MPHOSPH8: variants seen among roughly 807,000 people sequenced by gnomAD.
MPHOSPH8 encodes the protein M-phase phosphoprotein, mpp.
A neutral mutation model predicts 87.3 loss-of-function variants in MPHOSPH8; 45 were observed. That is an observed-to-expected ratio of 0.52 (90% CI 0.41 to 0.66). The LOEUF is 0.66. MPHOSPH8 is among the 30% of genes least tolerant of loss of function. The probability of loss-of-function intolerance (pLI) is 0.00; values close to 1 mark genes in which losing one functional copy is unlikely to be tolerated. For missense variants in MPHOSPH8, 883 were observed against 1,020.2 expected (o/e 0.87, Z 1.83); for synonymous variants, 366 against 376.9 (o/e 0.97, Z 0.33).
chr13:19,656,009 A>T (rs945130769), intron 5 of MPHOSPH8, among the ~76,000 whole-genome samples: 1 of 152,282 alleles, frequency 6.6e-6, no homozygotes, highest in South Asian at 2.1e-4. Context: ...CTGAAGCAGG[A>T]TAATCGCTTA....
chr13:19,636,074 A>T (rs1935254776), intron 1 of MPHOSPH8, among the ~76,000 whole-genome samples: 1 of 152,198 alleles, frequency 6.6e-6, no homozygotes, highest in South Asian at 2.1e-4. Flanking sequence ...AACTGAGTCA[A>T]TTAAGCCTCT....
In MPHOSPH8 at chr13:19,633,871, C is replaced by G. The variant is rs371343470; in HGVS notation, c.123C>G (p.Ala41=). The part of the protein sequence containing the change: ...VGVVGEDNDA[A]ARGAEAFGDS... ...TAGTGGGCGAAGATAATGACGCAGC[C>G]GCGAGAGGAGCGGAGGCCTTTGGCG... is the stretch of plus-strand genomic sequence containing the variant. Residue 41 remains alanine (A), a synonymous_variant, in exon 1 of 14, where the codon GCC becomes GCG. Transcript: ENST00000361479. 1.2e-5 allele frequency: 20 copies of G among 1,611,366 alleles called. No individual in the cohort carries two copies. The highest frequency in any genetic ancestry group is 2.7e-5 in the African/African-American group (2 of 74,900).
intron 1 of MPHOSPH8, among the ~76,000 whole-genome samples, chr13:19,637,944 A>G (rs1874090593): frequency 6.6e-6 from 1 of 151,522 alleles, no homozygotes; most frequent in Non-Finnish European, 1.5e-5. Context: ...TACTAAAAAT[A>G]CAAAAAATTA....
At chr13:19,642,375 G>T (rs142774148) in intron 2 of MPHOSPH8, 105 bp downstream of exon 2, 50 of 957,534 alleles carry the variant, frequency 5.2e-5, no homozygotes, top group Non-Finnish European at 7.0e-5. Context: ...AAAGTGTACC[G>T]TATTCTTTAG....
intron 4 of MPHOSPH8, among the ~76,000 whole-genome samples, chr13:19,649,586 G>T (rs1874737155): frequency 6.6e-6 from 1 of 152,150 alleles, no homozygotes; most frequent in East Asian, 1.9e-4. Context: ...CAGTGCTCTG[G>T]CACCCTGCTG....
At position 19,646,589 on chromosome 13, in the gene MPHOSPH8, A is replaced by T. The variant is rs1484427240; in HGVS notation, c.516A>T (p.Lys172Asn). 6.3e-7 allele frequency: 1 copy of T among 1,583,474 alleles called. No homozygotes were observed. The highest frequency in any genetic ancestry group is 1.4e-5 in the African/African-American group (1 of 72,606). The change falls in exon 3 of 14, where the codon AAA becomes AAT. Residue 172 changes from lysine to asparagine, a missense_variant. Coordinates refer to ENST00000361479, the MANE Select transcript of MPHOSPH8 (RefSeq NM_017520.4). Reference sequence around the variant, plus strand: ...GCCCAGATGATCTGAAAAAGAAAAAAGCAAAGGCCGGGAAGCTAAAAGACA... The same window carrying T: ...GCCCAGATGATCTGAAAAAGAAAAATGCAAAGGCCGGGAAGCTAAAAGACA... ...EKSPDDLKKK[K>N]AKAGKLKDKS...
At chr13:19,662,893 C>G in intron 8 of MPHOSPH8, 147 bp from the exon 9 acceptor site, 1 of 683,588 alleles carries the variant, frequency 1.5e-6, no homozygotes, top group South Asian at 1.8e-5. Context: ...GGTGCACCCC[C>G]GTGGCCCCAC....
At chr13:19,651,551 C>G (rs114120456) in intron 5 of MPHOSPH8, among the ~76,000 whole-genome samples, 2 of 151,468 alleles carry the variant, frequency 1.3e-5, no homozygotes. Context: ...AGAAAACTGG[C>G]TAGGCATGGT....
At chr13:19,659,362 C>T in intron 7 of MPHOSPH8, 73 bp downstream of exon 7, 1 of 1,257,394 alleles carries the variant, frequency 8.0e-7, no homozygotes, top group Non-Finnish European at 1.1e-6. Flanking sequence ...TTTAACTTTT[C>T]ATTTATTTTA....
intron 1 of MPHOSPH8, among the ~76,000 whole-genome samples, chr13:19,641,550 G>T (rs569937929): frequency 5.9e-5 from 8 of 136,726 alleles, no homozygotes; most frequent in Non-Finnish European, 1.2e-4. Context: ...GAGTGCAATG[G>T]CGTGTGATCT....
At chr13:19,658,635 C>G (rs1437600919) in intron 5 of MPHOSPH8, among the ~76,000 whole-genome samples, 2 of 152,140 alleles carry the variant, frequency 1.3e-5, no homozygotes, top group African/African-American at 4.8e-5. Context: ...AGTGTATGTC[C>G]AAGAAGAATG....
intron 1 of MPHOSPH8, among the ~76,000 whole-genome samples, chr13:19,641,039 CTTTT>C (rs1298897557): frequency 6.6e-6 from 1 of 152,172 alleles, no homozygotes; most frequent in African/African-American, 2.4e-5. Context: ...TTCTTCCTAT[CTTTT>C]CTATTTTTCA....
Position 19,633,690 on chromosome 13 carries a change from G to C in MPHOSPH8, c.-59G>C, listed in dbSNP as rs562732401. On this transcript the variant is annotated 5_prime_UTR_variant, in exon 1 of 14. Transcript: ENST00000361479. ...GAGTAGGGCCGAGCGCGGAACGCGA[G>C]GGGCTGCTGGGGTGTTTGTCGCAGC... The C allele has an allele frequency of 3.9e-6, 6 of 1,533,156 alleles. No individual in the cohort carries two copies. In the Admixed American group the frequency reaches 9.8e-5, roughly 25 times the overall value. 95.0% of individuals were successfully genotyped at this position (1,533,156 alleles called of 1,614,324 possible).
chr13:19,643,650 TGG>T (rs1001810786), intron 2 of MPHOSPH8, among the ~76,000 whole-genome samples: 34 of 152,254 alleles, frequency 2.2e-4, no homozygotes, highest in African/African-American at 8.2e-4. Context: ...AAAACAAATA[TGG>T]GTATTTTTTT....
intron 2 of MPHOSPH8, among the ~76,000 whole-genome samples, chr13:19,645,085 G>A (rs1874496741): frequency 1.3e-5 from 2 of 152,142 alleles, no homozygotes. Flanking sequence ...CCTGAGGAGA[G>A]CTTCACTGGT....
chr13:19,666,570 AT>A lies in MPHOSPH8; in HGVS notation c.2168del (p.Leu723Ter). On this transcript the variant is annotated frameshift_variant, in exon 10 of 14. Transcript: ENST00000361479. LOFTEE classifies it high-confidence loss of function. ...CTTGTGTACGACTTGCTGAAGAACC[AT>A]TTAGAGACGTAAGTGAGAAGCGACT... The part of the protein sequence containing the change: ...NVLVYDLLKN[H>X]LETLSRVAEE... 1.3e-6 allele frequency: 2 copies of A among 1,579,520 alleles called. No individual in the cohort carries two copies. Among genetic ancestry groups the A allele is most frequent in the Non-Finnish European group, 1.7e-6 (2 of 1,152,686 alleles).
Position 19,672,943 on chromosome 13 carries a change from A to G in MPHOSPH8, c.*1068A>G, listed in dbSNP as rs533349309. 684 of 381,086 alleles carry G rather than the reference A, an allele frequency of 1.8e-3. 4 individuals are homozygous for G. Among genetic ancestry groups the G allele is most frequent in the South Asian group, 4.8e-3 (236 of 48,682 alleles). The allele number at this position is 381,086 out of a possible 1,614,324, so 23.6% of individuals were successfully genotyped here. A position where few individuals can be genotyped will look rare whatever the true frequency, so the allele number is the denominator to read the frequency against. Reference sequence around the variant, plus strand: ...GGGTGGAACAAGCCTGTAGTCCCAGATACTCAGGAGGCTGAGGTGAAAGGA... The same window carrying G: ...GGGTGGAACAAGCCTGTAGTCCCAGGTACTCAGGAGGCTGAGGTGAAAGGA... On this transcript the variant is annotated 3_prime_UTR_variant, in exon 14 of 14. Coordinates refer to ENST00000361479, the MANE Select transcript of MPHOSPH8 (RefSeq NM_017520.4).
rs141400605 is a variant in MPHOSPH8 at position 19,645,485 on chromosome 13, T to C, written c.370-958T>C. Among the ~76,000 whole-genome samples, 1,052 of 152,258 alleles carry C rather than the reference T, an allele frequency of 6.9e-3. 8 individuals are homozygous for C. Among genetic ancestry groups the C allele is most frequent in the South Asian group, 0.014 (68 of 4,822 alleles). ...GTGCAGGGAAGACATTTTTAAAGTA[T>C]ATCTGGCCAGGCGCCGTGGCTCACC... On this transcript the variant is annotated intron_variant, in intron 2 of 13. Transcript: ENST00000361479.
At position 19,633,761 on chromosome 13, in the gene MPHOSPH8, G is replaced by A. The variant is rs1443066709; in HGVS notation, c.13G>A (p.Ala5Thr). Residue 5 changes from alanine to threonine, a missense_variant, in exon 1 of 14, where the codon GCG becomes ACG. Ala to Thr is a moderately conservative substitution (Grantham distance 58). Around this residue, in one of 3 missense-constraint regions of MPHOSPH8, gnomAD observed 103 missense variants for 96.3 expected, o/e 1.07. Coordinates refer to ENST00000361479, the MANE Select transcript of MPHOSPH8 (RefSeq NM_017520.4). ...CGGAGCTGCTAGGATGGAGCAGGTT[G>A]CGGAGGGAGCAAGGGTGACCGCAGT... Reference protein sequence around the residue: MEQVAEGARVTAVPV... With the variant: MEQVTEGARVTAVPV... The A allele has an allele frequency of 6.3e-7, 1 of 1,597,718 alleles. No individual in the cohort carries two copies. The highest frequency in any genetic ancestry group is 1.7e-5 in the Admixed American group (1 of 57,350).
Sources: allele counts gnomAD v4.1 joint callset (sites outside exome capture counted in the v4.1 genomes callset), GRCh38; gene constraint gnomAD v4.1.1; regional missense constraint gnomAD v4.1.1; transcripts MANE v1.5; gene names NCBI Gene and HGNC (gene_info 2026-07-23, HGNC 2026-07-21).